SKAP2: variants seen among roughly 807,000 people sequenced by gnomAD.
The protein encoded by SKAP2 is src kinase-associated phosphoprotein 2.
Under a neutral mutation model 54.9 loss-of-function variants are expected in SKAP2, and 28 were observed. That is an observed-to-expected ratio of 0.51 (90% CI 0.38 to 0.70). SKAP2 has a LOEUF of 0.70. Ranked by LOEUF, SKAP2 falls within the 30% of genes least tolerant of loss-of-function variation. The pLI, the probability that SKAP2 is intolerant of heterozygous loss-of-function variation, is 0.00. For synonymous variants in SKAP2, 137 were observed against 134.3 expected (o/e 1.02, Z -0.14); for missense variants, 356 against 424.1 (o/e 0.84, Z 1.41).
In SKAP2 at chr7:26,724,546, T is replaced by A. The variant is rs147809743; in HGVS notation, c.796+882A>T. Among the ~76,000 whole-genome samples, 457 of 152,304 alleles carry A rather than the reference T, an allele frequency of 3.0e-3. 5 individuals are homozygous for A. Among genetic ancestry groups the A allele is most frequent in the African/African-American group, 0.01 (435 of 41,580 alleles). On this transcript the variant is annotated intron_variant, in intron 9 of 12. Transcript: ENST00000345317. The stretch of plus-strand genomic sequence containing the variant: ...TATTTTTGAAATCAATTTTAAAGGT[T>A]TAACATTACATCATTAAATTGTTAT...
the SKAP2 span, among the ~76,000 whole-genome samples, chr7:26,661,932 C>G: frequency 1.3e-5 from 2 of 152,118 alleles, no homozygotes; most frequent in Non-Finnish European, 2.9e-5. Context: ...TAACCACAAT[C>G]CTGACAGGGC....
At chr7:26,857,279 G>GT (rs1785184368) in intron 1 of SKAP2, among the ~76,000 whole-genome samples, 2 of 122,278 alleles carry the variant, frequency 1.6e-5, no homozygotes, top group Admixed American at 9.9e-5. Flanking sequence ...TTTCTCAAAG[G>GT]TGATGTGGAG....
intron 3 of SKAP2, among the ~76,000 whole-genome samples, chr7:26,845,910 C>G (rs1256705215): frequency 6.6e-6 from 1 of 151,978 alleles, no homozygotes; most frequent in Non-Finnish European, 1.5e-5. Context: ...CCAGCCTGGG[C>G]AACAGACCAA....
rs190534327 is a variant in SKAP2 at position 26,837,888 on chromosome 7, A to G, written c.307+6142T>C. Among the ~76,000 whole-genome samples the G allele has an allele frequency of 5.3e-5, 8 of 150,402 alleles. No individual in the cohort carries two copies. In the East Asian group the frequency reaches 1.7e-3, roughly 32 times the overall value. ...GCAGTATGCTAGCTGGGGAAGAGGG[A>G]AAAAGTAACTCTTTTAAGAGCAGAG... On this transcript the variant is annotated intron_variant, in intron 4 of 12. Transcript: ENST00000345317.
At chr7:26,842,374 T>C (rs1784834403) in intron 4 of SKAP2, among the ~76,000 whole-genome samples, 1 of 151,604 alleles carries the variant, frequency 6.6e-6, no homozygotes, top group South Asian at 2.1e-4. Context: ...GATAAATTAT[T>C]TACTATTAAA....
chr7:26,758,052 C>G (rs916252129), intron 4 of SKAP2, among the ~76,000 whole-genome samples: 8 of 152,204 alleles, frequency 5.3e-5, no homozygotes, highest in African/African-American at 1.4e-4. Context: ...TAAGCCACTG[C>G]ATCCAGCATG....
intron 4 of SKAP2, among the ~76,000 whole-genome samples, chr7:26,813,514 G>A (rs920310896): frequency 6.6e-6 from 1 of 152,214 alleles, no homozygotes; most frequent in African/African-American, 2.4e-5. Flanking sequence ...TTTGGAGGCA[G>A]TAAAGGACTA....
intron 4 of SKAP2, among the ~76,000 whole-genome samples, chr7:26,804,997 G>A (rs2769365): frequency 6.6e-6 from 1 of 151,830 alleles, no homozygotes; most frequent in African/African-American, 2.4e-5. Flanking sequence ...TCCAGAATAT[G>A]ATGTCTAATA....
the SKAP2 span, among the ~76,000 whole-genome samples, chr7:26,657,787 T>C: frequency 1.4e-5 from 2 of 141,122 alleles, no homozygotes; most frequent in African/African-American, 5.2e-5. Flanking sequence ...TTTTTGATGT[T>C]TGTATTTTGC....
In SKAP2 at chr7:26,669,000, C is replaced by G. The variant is rs961776929; in HGVS notation, c.*666G>C. On this transcript the variant is annotated 3_prime_UTR_variant, in exon 13 of 13. Transcript: ENST00000345317. The stretch of plus-strand genomic sequence containing the variant: ...CCATCATCGCACCAGGATATTTGTA[C>G]GGTAAAATGCTTTGCATGAGTCATA... 3 of 152,036 alleles carry G rather than the reference C, an allele frequency of 2.0e-5. No individual in the cohort carries two copies. Among genetic ancestry groups the G allele is most frequent in the Non-Finnish European group, 2.9e-5 (2 of 68,012 alleles). 9.4% of individuals were successfully genotyped at this position (152,036 alleles called of 1,614,324 possible). A position where few individuals can be genotyped will look rare whatever the true frequency, so the allele number is the denominator to read the frequency against.
chr7:26,793,485 AAG>A (rs1314054662), intron 4 of SKAP2, among the ~76,000 whole-genome samples: 1 of 152,202 alleles, frequency 6.6e-6, no homozygotes, highest in Non-Finnish European at 1.5e-5. Flanking sequence ...TTCTCTAGGA[AAG>A]GTTGCCTTTT....
intron 4 of SKAP2, among the ~76,000 whole-genome samples, chr7:26,796,501 T>C (rs1404821547): frequency 6.6e-6 from 1 of 152,228 alleles, no homozygotes. Context: ...GTGCCACTGG[T>C]GATGCTAACA....
intron 4 of SKAP2, among the ~76,000 whole-genome samples, chr7:26,829,947 C>G (rs911389094): frequency 2.6e-5 from 4 of 152,058 alleles, no homozygotes; most frequent in African/African-American, 9.7e-5. Context: ...AAAAGTTTTA[C>G]ACAAATGTGC....
At chr7:26,854,732 T>C in intron 2 of SKAP2, 53 bp downstream of exon 2, 1 of 1,494,288 alleles carries the variant, frequency 6.7e-7, no homozygotes, top group Non-Finnish European at 9.1e-7. Flanking sequence ...AAAATGTTAG[T>C]TACAAAACTG....
intron 9 of SKAP2, among the ~76,000 whole-genome samples, chr7:26,722,385 A>ATTTTTTTTTTTTTTTTTTTTTTTTTTT (rs35643377): frequency 1.1e-5 from 1 of 89,058 alleles, no homozygotes; most frequent in Non-Finnish European, 2.0e-5. Flanking sequence ...ATGCAATGCA[A>ATTTTTTTTTTTTTTTTTTTTTTTTTTT]TTTTTTTTTT....
chr7:26,734,487 C>T (rs1787883263), intron 6 of SKAP2, among the ~76,000 whole-genome samples: 1 of 152,170 alleles, frequency 6.6e-6, no homozygotes, highest in Non-Finnish European at 1.5e-5. Flanking sequence ...AGAATCTCTG[C>T]TATTCCCTTA....
intron 4 of SKAP2, among the ~76,000 whole-genome samples, chr7:26,786,286 T>G (rs1477547610): frequency 6.6e-6 from 1 of 152,164 alleles, no homozygotes. Flanking sequence ...ATTCTACAAT[T>G]AGGGATACAG....
intron 4 of SKAP2, among the ~76,000 whole-genome samples, chr7:26,841,526 C>T (rs1784815689): frequency 6.6e-6 from 1 of 151,948 alleles, no homozygotes; most frequent in Non-Finnish European, 1.5e-5. Flanking sequence ...CTGAAGTGTG[C>T]TTGAATTTCA....
chr7:26,761,822 G>A (rs1396105684), intron 4 of SKAP2, among the ~76,000 whole-genome samples: 2 of 152,178 alleles, frequency 1.3e-5, no homozygotes, highest in Non-Finnish European at 2.9e-5. Flanking sequence ...ATTGGTTGAA[G>A]CCAGGAGGCG....
Sources: allele counts gnomAD v4.1 joint callset (sites outside exome capture counted in the v4.1 genomes callset), GRCh38; gene constraint gnomAD v4.1.1; transcripts MANE v1.5; gene names NCBI Gene and HGNC (gene_info 2026-07-23, HGNC 2026-07-21).